FRMD4A: variants seen among roughly 807,000 people sequenced by gnomAD.
The protein encoded by FRMD4A is FERM domain containing 4A.
FRMD4A carries 29 observed loss-of-function variants against 129.1 expected under a neutral mutation model. The ratio of observed to expected loss-of-function variants is 0.22; its 90% CI spans 0.17 to 0.31. The LOEUF (loss-of-function observed/expected upper bound fraction) is 0.31, where lower values mean the gene tolerates loss of function less well. Ranked by LOEUF, FRMD4A falls within the 10% of genes least tolerant of loss-of-function variation. The pLI is 1.00. For missense variants in FRMD4A, 1,272 were observed against 1,375.8 expected (o/e 0.92, Z 1.19); for synonymous variants, 634 against 571.6 (o/e 1.11, Z -1.56).
intron 9 of FRMD4A, among the ~76,000 whole-genome samples, chr10:13,746,217 G>C (rs577018252): frequency 6.6e-6 from 1 of 151,472 alleles, no homozygotes; most frequent in African/African-American, 2.4e-5. Context: ...TTGTTTTTTT[G>C]TTTGTTTGTT....
At chr10:13,998,246 T>C (rs530935818) in intron 2 of FRMD4A, among the ~76,000 whole-genome samples, 70 of 152,324 alleles carry the variant, frequency 4.6e-4, no homozygotes, top group African/African-American at 1.6e-3. Context: ...GTAACTCTTA[T>C]CAACTCTCTA....
At chr10:14,005,959 C>T (rs2095660787) in intron 2 of FRMD4A, among the ~76,000 whole-genome samples, 1 of 152,160 alleles carries the variant, frequency 6.6e-6, no homozygotes, top group Admixed American at 6.5e-5. Context: ...TGGAAACCAA[C>T]TCAAATGCCT....
chr10:13,666,895 G>GCTTTT (rs796404138), intron 17 of FRMD4A, among the ~76,000 whole-genome samples: 4 of 145,266 alleles, frequency 2.8e-5, no homozygotes, highest in African/African-American at 7.9e-5. Flanking sequence ...TCTTTCGGGA[G>GCTTTT]CTTTTCTTTT....
chr10:13,847,508 C>T (rs1564903604), intron 3 of FRMD4A, among the ~76,000 whole-genome samples: 1 of 152,108 alleles, frequency 6.6e-6, no homozygotes, highest in Non-Finnish European at 1.5e-5. Flanking sequence ...CGCTCCCTCC[C>T]TCCTTCCCTC....
intron 2 of FRMD4A, among the ~76,000 whole-genome samples, chr10:14,308,090 A>C: frequency 6.6e-6 from 1 of 152,234 alleles, no homozygotes; most frequent in East Asian, 1.9e-4. Context: ...TTGGAAGCTC[A>C]GTCTTTCAAA....
intron 2 of FRMD4A, among the ~76,000 whole-genome samples, chr10:13,977,414 G>C (rs2095545777): frequency 6.6e-6 from 1 of 152,214 alleles, no homozygotes; most frequent in Admixed American, 6.5e-5. Context: ...ATGCTGGGTA[G>C]CAGTAGTGTT....
intron 15 of FRMD4A, among the ~76,000 whole-genome samples, chr10:13,688,881 C>G (rs2134801292): frequency 6.6e-6 from 1 of 152,112 alleles, no homozygotes; most frequent in East Asian, 1.9e-4. Context: ...ACACGCCTAG[C>G]TAATTTTTAT....
At chr10:14,030,460 G>A (rs1413656174) in intron 2 of FRMD4A, among the ~76,000 whole-genome samples, 1 of 152,202 alleles carries the variant, frequency 6.6e-6, no homozygotes, top group Non-Finnish European at 1.5e-5. Flanking sequence ...AATGATATGT[G>A]TAAGAGCAAC....
At chr10:13,876,849 T>C (rs966234408) in intron 2 of FRMD4A, among the ~76,000 whole-genome samples, 30 of 151,922 alleles carry the variant, frequency 2.0e-4, no homozygotes, top group Non-Finnish European at 1.8e-4. Flanking sequence ...TTTATATATA[T>C]AATTTCAAGG....
intron 2 of FRMD4A, among the ~76,000 whole-genome samples, chr10:14,053,610 G>T (rs11258836): frequency 0.46 from 70,341 of 151,924 alleles, 16,832 homozygotes; most frequent in Middle Eastern, 0.59. Context: ...CCAGGAGAAC[G>T]TGGTTTTAGT....
chr10:14,012,160 T>C (rs1411273736), intron 2 of FRMD4A, among the ~76,000 whole-genome samples: 1 of 146,096 alleles, frequency 6.8e-6, no homozygotes, highest in Non-Finnish European at 1.5e-5. Context: ...GGGGTGGGAG[T>C]TGAGGGGGGA....
intron 8 of FRMD4A, among the ~76,000 whole-genome samples, chr10:13,751,449 A>G (rs1347543326): frequency 6.6e-6 from 1 of 152,222 alleles, no homozygotes; most frequent in African/African-American, 2.4e-5. Context: ...CTGTTTATAA[A>G]CATCTGCAAT....
At chr10:14,244,607 C>T (rs1218385) in intron 2 of FRMD4A, among the ~76,000 whole-genome samples, 112,717 of 152,112 alleles carry the variant, frequency 0.74, 42,787 homozygotes, top group Non-Finnish European at 0.81. Flanking sequence ...GCCTAGCCTA[C>T]TTTTACTACA....
chr10:13,744,242 C>A (rs1459793404), intron 9 of FRMD4A, among the ~76,000 whole-genome samples: 1 of 152,112 alleles, frequency 6.6e-6, no homozygotes, highest in African/African-American at 2.4e-5. Context: ...GGTGGTCCAG[C>A]ATTTACAAAC....
intron 2 of FRMD4A, among the ~76,000 whole-genome samples, chr10:13,915,669 C>CAAAA (rs68011803): frequency 8.2e-6 from 1 of 122,048 alleles, no homozygotes; most frequent in African/African-American, 3.1e-5. Context: ...GACTCTATCT[C>CAAAA]AAAAAAAAAA....
chr10:14,067,093 G>A (rs564286915), intron 2 of FRMD4A, among the ~76,000 whole-genome samples: 2 of 152,150 alleles, frequency 1.3e-5, no homozygotes, highest in South Asian at 4.2e-4. Flanking sequence ...CGAGGTGGGT[G>A]GATCATGAGG....
intron 2 of FRMD4A, among the ~76,000 whole-genome samples, chr10:13,976,614 C>T (rs1238362977): frequency 6.6e-6 from 1 of 152,086 alleles, no homozygotes; most frequent in Non-Finnish European, 1.5e-5. Context: ...TAATTACTGC[C>T]TTGAAAAGGA....
chr10:13,838,819 A>G (rs1449428841), intron 3 of FRMD4A, among the ~76,000 whole-genome samples: 2 of 151,976 alleles, frequency 1.3e-5, no homozygotes, highest in African/African-American at 4.8e-5. Flanking sequence ...ATACCTTACA[A>G]TATGGACCTT....
chr10:14,315,618 C>T (rs1846710410), intron 2 of FRMD4A, among the ~76,000 whole-genome samples: 1 of 152,208 alleles, frequency 6.6e-6, no homozygotes, highest in Non-Finnish European at 1.5e-5. Context: ...CCATTGTTTA[C>T]AAGATATGGA....
Sources: gnomAD v4.1 joint callset for allele counts (sites outside exome capture counted in the v4.1 genomes callset) on GRCh38, gnomAD v4.1.1 for gene constraint, MANE v1.5 for transcripts, NCBI Gene and HGNC (gene_info 2026-07-23, HGNC 2026-07-21) for gene names.